Variants in DOCK8 observed in about 807,000 individuals in gnomAD.
DOCK8 encodes the protein dedicator of cytokinesis 8.
Under a neutral mutation model 245.6 loss-of-function variants are expected in DOCK8, and 141 were observed. That is an observed-to-expected ratio of 0.57 (90% CI 0.50 to 0.66). DOCK8 has a LOEUF of 0.66. Ranked by LOEUF, DOCK8 falls within the 30% of genes least tolerant of loss-of-function variation. The pLI is 0.00. For synonymous variants in DOCK8, 1,168 were observed against 970.2 expected (o/e 1.20, Z -3.79); for missense variants, 2,965 against 2,603.4 (o/e 1.14, Z -3.02).
intron 2 of DOCK8, among the ~76,000 whole-genome samples, chr9:285,198 A>T (rs1044332582): frequency 2.6e-5 from 4 of 152,132 alleles, no homozygotes; most frequent in African/African-American, 9.7e-5. Context: ...ATCATCAGGG[A>T]CAGCAAGAGT....
At chr9:371,134 A>T (rs2053266764) in intron 16 of DOCK8, among the ~76,000 whole-genome samples, 1 of 152,080 alleles carries the variant, frequency 6.6e-6, no homozygotes, top group Non-Finnish European at 1.5e-5. Context: ...TCCTTTCTTC[A>T]AATTAAGTTG....
At chr9:259,226 C>T (rs1433870022) in intron 1 of DOCK8, among the ~76,000 whole-genome samples, 1 of 152,016 alleles carries the variant, frequency 6.6e-6, no homozygotes. Flanking sequence ...TCTCGTAAGT[C>T]CTGGAGTTTG....
rs1416134610 is a variant in DOCK8 at position 376,203 on chromosome 9, A to G, written c.2110-7A>G. 8 of 1,593,980 alleles carry G rather than the reference A, an allele frequency of 5.0e-6. No individual in the cohort carries two copies. Among genetic ancestry groups the G allele is most frequent in the Non-Finnish European group, 6.9e-6 (8 of 1,161,970 alleles). Reference sequence around the variant, plus strand: ...TTGCTAATCTTTTTTTTTTCTCTTTAACACAGAAAGTCCCATTACAGAATC... The same window carrying G: ...TTGCTAATCTTTTTTTTTTCTCTTTGACACAGAAAGTCCCATTACAGAATC... On this transcript the variant is annotated splice_region_variant and splice_polypyrimidine_tract_variant and intron_variant, in intron 18 of 47. Coordinates refer to ENST00000432829, the MANE Select transcript of DOCK8 (RefSeq NM_203447.4).
intron 2 of DOCK8, among the ~76,000 whole-genome samples, chr9:277,264 T>TA (rs112515212): frequency 0.19 from 28,839 of 150,240 alleles, 3,030 homozygotes; most frequent in African/African-American, 0.27. Flanking sequence ...ACAACAAAGT[T>TA]AAAAAGAAAA....
chr9:215,204 C>T, intron 1 of DOCK8, 175 bp downstream of exon 1: 4 of 1,522,990 alleles, frequency 2.6e-6, no homozygotes, highest in African/African-American at 2.8e-5. Context: ...GCTGGACGCG[C>T]GGCGGCTCCT....
chr9:239,933 G>A lies in DOCK8; in HGVS notation c.53+24904G>A, dbSNP rs538388897. ...GATACAGCGTAATTTAACTCAGTCT[G>A]TATTGAGCTACATTGATTTCCAGTT... is the stretch of plus-strand genomic sequence containing the variant. On this transcript the variant is annotated intron_variant, in intron 1 of 47. Coordinates refer to ENST00000432829, the MANE Select transcript of DOCK8 (RefSeq NM_203447.4). Among the ~76,000 whole-genome samples, 8 of 152,160 alleles carry A rather than the reference G, an allele frequency of 5.3e-5. No individual in the cohort carries two copies. The South Asian group carries it at 1.4e-3, about 28-fold the overall frequency.
At chr9:255,027 T>C (rs1284341576) in intron 1 of DOCK8, among the ~76,000 whole-genome samples, 1 of 152,158 alleles carries the variant, frequency 6.6e-6, no homozygotes, top group East Asian at 1.9e-4. Flanking sequence ...GAACAGGGCC[T>C]GCAAGGGAAT....
At chr9:323,607 C>G (rs2050621862) in intron 7 of DOCK8, among the ~76,000 whole-genome samples, 1 of 152,170 alleles carries the variant, frequency 6.6e-6, no homozygotes, top group East Asian at 1.9e-4. Flanking sequence ...CCATCCATCT[C>G]CAGGAATTTT....
intron 2 of DOCK8, among the ~76,000 whole-genome samples, chr9:272,731 C>A (rs1172032151): frequency 6.6e-6 from 1 of 152,144 alleles, no homozygotes; most frequent in Non-Finnish European, 1.5e-5. Flanking sequence ...TGAAGATTGC[C>A]TACATTTTTA....
chr9:232,832 C>T (rs1386415469), intron 1 of DOCK8, among the ~76,000 whole-genome samples: 4 of 152,050 alleles, frequency 2.6e-5, no homozygotes, highest in Admixed American at 6.5e-5. Context: ...TTTTGTTGAT[C>T]TTTTCAAAAA....
intron 2 of DOCK8, among the ~76,000 whole-genome samples, chr9:274,289 A>G (rs906112139): frequency 1.4e-4 from 21 of 152,192 alleles, no homozygotes; most frequent in Non-Finnish European, 4.4e-5. Context: ...CCTACCTGTC[A>G]TCATTTAGTC....
intron 14 of DOCK8, among the ~76,000 whole-genome samples, chr9:364,574 C>T (rs2052883445): frequency 7.0e-6 from 1 of 142,884 alleles, no homozygotes; most frequent in Admixed American, 7.4e-5. Context: ...GTCAAGGCTG[C>T]AGTATGCCAT....
chr9:396,378 G>A (rs953751095), intron 24 of DOCK8, among the ~76,000 whole-genome samples: 4 of 152,136 alleles, frequency 2.6e-5, no homozygotes, highest in African/African-American at 9.7e-5. Flanking sequence ...ACTTTAGTTC[G>A]CATCAAGAAC....
At chr9:240,562 G>C (rs2047353845) in intron 1 of DOCK8, among the ~76,000 whole-genome samples, 1 of 152,094 alleles carries the variant, frequency 6.6e-6, no homozygotes, top group African/African-American at 2.4e-5. Context: ...TCACCTAGAA[G>C]AGCTATTAAT....
intron 1 of DOCK8, among the ~76,000 whole-genome samples, chr9:259,666 TC>T (rs1184093535): frequency 6.6e-6 from 1 of 152,256 alleles, no homozygotes; most frequent in Non-Finnish European, 1.5e-5. Context: ...GGCATCATTT[TC>T]TGTTTTCACA....
At chr9:284,665 C>T (rs565825629) in intron 2 of DOCK8, 1 of 152,278 alleles carries the variant, frequency 6.6e-6, no homozygotes, top group Admixed American at 6.5e-5. Flanking sequence ...CAACACTATT[C>T]ACAATAGCAA....
At chr9:277,440 AGAGAGGAGAAG>A (rs2130083378) in intron 2 of DOCK8, among the ~76,000 whole-genome samples, 1 of 119,170 alleles carries the variant, frequency 8.4e-6, no homozygotes, top group African/African-American at 4.0e-5. Context: ...AGAAAAGAGA[AGAGAGGAGAAG>A]AGAAAGAGAG....
intron 44 of DOCK8, among the ~76,000 whole-genome samples, chr9:449,424 A>G (rs938087690): frequency 6.6e-6 from 1 of 152,194 alleles, no homozygotes; most frequent in Non-Finnish European, 1.5e-5. Context: ...ACAGGGTAGA[A>G]AAAACATGGA....
At chr9:375,974 C>T (rs892399628) in intron 18 of DOCK8, among the ~76,000 whole-genome samples, 4 of 152,046 alleles carry the variant, frequency 2.6e-5, no homozygotes, top group African/African-American at 7.2e-5. Context: ...TTCAGCCTGG[C>T]GACAGAGTGG....
Sources: gnomAD v4.1 joint callset for allele counts (sites outside exome capture counted in the v4.1 genomes callset) on GRCh38, gnomAD v4.1.1 for gene constraint, MANE v1.5 for transcripts, NCBI Gene and HGNC (gene_info 2026-07-23, HGNC 2026-07-21) for gene names.